Variants in UNC79 observed in about 807,000 individuals in gnomAD.
UNC79 encodes the protein protein unc-79 homolog.
A neutral mutation model predicts 283.1 loss-of-function variants in UNC79; 37 were observed. The observed-to-expected ratio is 0.13, with a 90% CI of 0.10 to 0.17. The LOEUF (loss-of-function observed/expected upper bound fraction) is 0.17. Ranked by LOEUF, UNC79 falls within the 10% of genes least tolerant of loss-of-function variation. The pLI, the probability that UNC79 is intolerant of heterozygous loss-of-function variation, is 1.00. For synonymous variants in UNC79, 1,107 were observed against 1,200.2 expected (o/e 0.92, Z 1.61); for missense variants, 2,272 against 3,211.1 (o/e 0.71, Z 7.07).
chr14:93,577,287 T>C (rs1479956537), intron 17 of UNC79, among the ~76,000 whole-genome samples: 1 of 152,214 alleles, frequency 6.6e-6, no homozygotes. Context: ...GGAGACTCAG[T>C]CCACGACTTC....
At chr14:93,578,478 C>A (rs551522496) in intron 18 of UNC79, among the ~76,000 whole-genome samples, 29 of 152,108 alleles carry the variant, frequency 1.9e-4, no homozygotes, top group African/African-American at 7.0e-4. Flanking sequence ...TTCTTTTTAA[C>A]CTTTTATTTT....
chr14:93,411,067 A>AGG (rs1370518901), intron 1 of UNC79, among the ~76,000 whole-genome samples: 3 of 152,068 alleles, frequency 2.0e-5, no homozygotes. Context: ...CCTGAGTCAG[A>AGG]GGGGAGCGCA....
chr14:93,572,588 A>G, intron 15 of UNC79, 105 bp from the exon 16 acceptor site: 1 of 1,507,886 alleles, frequency 6.6e-7, no homozygotes, highest in South Asian at 1.3e-5. Flanking sequence ...ACTAATCTAA[A>G]AGGCTTGGCT....
chr14:93,487,871 A>C (rs2058523763), intron 5 of UNC79, 116 bp downstream of exon 5: 1 of 941,976 alleles, frequency 1.1e-6, no homozygotes, highest in African/African-American at 1.6e-5. Flanking sequence ...GATGTGTAGA[A>C]AACAGACTTT....
chr14:93,412,153 G>T (rs1427612728), intron 1 of UNC79, among the ~76,000 whole-genome samples: 1 of 152,180 alleles, frequency 6.6e-6, no homozygotes, highest in Non-Finnish European at 1.5e-5. Context: ...ACTGAAGAAT[G>T]CATCAGAGTC....
At chr14:93,568,811 A>G (rs2063052790) in intron 14 of UNC79, among the ~76,000 whole-genome samples, 2 of 152,326 alleles carry the variant, frequency 1.3e-5, no homozygotes, top group South Asian at 4.1e-4. Context: ...GTTTTTACCT[A>G]TTCATTATAA....
intron 30 of UNC79, among the ~76,000 whole-genome samples, chr14:93,627,016 AG>A (rs1252195548): frequency 2.0e-5 from 3 of 152,176 alleles, no homozygotes; most frequent in East Asian, 3.9e-4. Flanking sequence ...ACTTGTGAAT[AG>A]CCACAGCACT....
chr14:93,532,303 CA>C (rs5810632), intron 10 of UNC79, among the ~76,000 whole-genome samples: 7,975 of 127,504 alleles, frequency 0.063, 419 homozygotes, highest in African/African-American at 0.16. Context: ...CCCATGTCTA[CA>C]AAAAAAAAAA....
intron 13 of UNC79, among the ~76,000 whole-genome samples, chr14:93,541,858 A>T (rs1298865558): frequency 2.0e-5 from 3 of 152,124 alleles, no homozygotes; most frequent in African/African-American, 7.2e-5. Context: ...ACAAAATATT[A>T]GCTGGGTGTG....
In UNC79 at chr14:93,474,422, T is replaced by C. The variant is rs531760702; in HGVS notation, c.448+29T>C. 39 of 1,521,166 alleles carry C rather than the reference T, an allele frequency of 2.6e-5. No individual in the cohort carries two copies. The African/African-American group carries it at 4.9e-4, about 19-fold the overall frequency. 94.2% of individuals were successfully genotyped at this position (1,521,166 alleles called of 1,614,324 possible). A position where few individuals can be genotyped will look rare whatever the true frequency, so the allele number is the denominator to read the frequency against. ...AGCACTTAGCTGAAACCTTTGGAAA[T>C]GTACGTGGATGCTTATGAATGTATA... On this transcript the variant is annotated intron_variant, in intron 3 of 48. Coordinates refer to ENST00000555664, the Ensembl canonical transcript of UNC79. The surrounding 1 kb of genome is among the most constrained non-coding windows in gnomAD (Gnocchi z 4.1).
intron 46 of UNC79, among the ~76,000 whole-genome samples, chr14:93,692,905 C>T (rs759082938): frequency 6.6e-6 from 1 of 152,140 alleles, no homozygotes; most frequent in African/African-American, 2.4e-5. Flanking sequence ...TATGGGGACA[C>T]CATCAATAGA....
intron 41 of UNC79, among the ~76,000 whole-genome samples, chr14:93,673,852 C>A (rs1328010580): frequency 1.3e-5 from 2 of 151,912 alleles, no homozygotes; most frequent in Non-Finnish European, 2.9e-5. Flanking sequence ...ATGGGTGATC[C>A]CTGAATCTCT....
In UNC79 at chr14:93,469,362, A is replaced by G. The variant is rs540912324; in HGVS notation, c.143+1571A>G. ...TCATTTTCAAACGGAGGCAACATCA[A>G]CATGTACTGCTAATGGTAATAGTAA... On this transcript the variant is annotated intron_variant, in intron 2 of 48. Coordinates refer to ENST00000555664, the Ensembl canonical transcript of UNC79. 3.3e-5 allele frequency among the ~76,000 whole-genome samples: 5 copies of G among 152,308 alleles called. No homozygotes were observed. The East Asian group carries it at 9.6e-4, about 29-fold the overall frequency.
rs1373146377 is a variant in UNC79, at chr14:93,460,055, G to A, written c.23-7616G>A. Among the ~76,000 whole-genome samples the A allele has an allele frequency of 5.8e-5, 7 of 120,910 alleles. No homozygotes were observed. The East Asian group carries it at 9.5e-4, about 16-fold the overall frequency. The allele number at this position is 120,910 out of a possible 152,430, so 79.3% of individuals were successfully genotyped here. The stretch of plus-strand genomic sequence containing the variant: ...AAAAGTTGAATAAACCAGGCCGGGC[G>A]CGGTGGCTCACGCCTGTAATCCCAG... On this transcript the variant is annotated intron_variant, in intron 1 of 48. Transcript: ENST00000555664.
At chr14:93,605,978 A>T (rs1160097349) in intron 26 of UNC79, among the ~76,000 whole-genome samples, 8 of 152,144 alleles carry the variant, frequency 5.3e-5, no homozygotes, top group African/African-American at 9.7e-5. Context: ...GATTTTTTTT[A>T]AAAGAATAAA....
At chr14:93,517,421 T>A (rs1269244482) in intron 7 of UNC79, among the ~76,000 whole-genome samples, 1 of 149,392 alleles carries the variant, frequency 6.7e-6, no homozygotes, top group African/African-American at 2.5e-5. Flanking sequence ...TTGGGGAGAG[T>A]ATTTGGGCTT....
At chr14:93,430,093 A>G (rs1223230620), upstream of UNC79, among the ~76,000 whole-genome samples, 1 of 152,112 alleles carries the variant, frequency 6.6e-6, no homozygotes, top group Non-Finnish European at 1.5e-5. The surrounding 1 kb of genome is among the most constrained non-coding windows in gnomAD (Gnocchi z 4.6). Flanking sequence ...TCGGTTTTCC[A>G]GTCGAGGGGC....
intron 7 of UNC79, among the ~76,000 whole-genome samples, chr14:93,513,685 T>C (rs2059933158): frequency 6.6e-6 from 1 of 152,206 alleles, no homozygotes; most frequent in South Asian, 2.1e-4. Context: ...AGTCGTCTCT[T>C]CTAGGTGTTT....
At position 93,377,554 on chromosome 14, in the gene UNC79, C is replaced by G. The variant is rs1227774844; in HGVS notation, c.-351+44031C>G. Among the ~76,000 whole-genome samples the G allele has an allele frequency of 3.3e-5, 5 of 152,118 alleles. No individual in the cohort carries two copies. In the South Asian group the frequency reaches 8.3e-4, roughly 25 times the overall value. On this transcript the variant is annotated intron_variant, in intron 1 of 49. Coordinates refer to the UNC79 transcript ENST00000256339. ...AATCTGAAGGCTCAACCAGTGAGGTCTTGCAAATGTTGTGTTATATAAAGG... is the reference window on the plus strand; with the variant it reads ...AATCTGAAGGCTCAACCAGTGAGGTGTTGCAAATGTTGTGTTATATAAAGG...
Sources: allele counts gnomAD v4.1 joint callset (sites outside exome capture counted in the v4.1 genomes callset), GRCh38; gene constraint gnomAD v4.1.1; non-coding constraint Gnocchi (gnomAD v3.1); transcripts MANE v1.5; gene names NCBI Gene and HGNC (gene_info 2026-07-23, HGNC 2026-07-21).